FOXP2: variants seen among roughly 807,000 people sequenced by gnomAD.
The protein encoded by FOXP2 is forkhead box protein P2.
A neutral mutation model predicts 115.8 loss-of-function variants in FOXP2; 12 were observed. The ratio of observed to expected loss-of-function variants is 0.10; its 90% CI spans 0.07 to 0.17. The LOEUF (loss-of-function observed/expected upper bound fraction) is 0.17. Among genes scored for constraint, FOXP2 ranks in the 10% least tolerant of loss-of-function variants. The pLI, the probability that FOXP2 is intolerant of heterozygous loss-of-function variation, is 1.00. For synonymous variants in FOXP2, 328 were observed against 297.7 expected, an observed-to-expected ratio of 1.10 and a Z score of -1.05; for missense variants, 629 against 843.5, an observed-to-expected ratio of 0.75 and a Z score of 3.15.
chr7:114,571,831 T>C (rs1801319538), intron 3 of FOXP2, among the ~76,000 whole-genome samples: 1 of 151,804 alleles, frequency 6.6e-6, no homozygotes, highest in African/African-American at 2.4e-5. Context: ...TTGGTATCTA[T>C]GTGTGTCCAA....
Position 114,631,532 on chromosome 7 carries a change from A to G in FOXP2, c.602A>G (p.Gln201Arg). The G allele has an allele frequency of 6.4e-7, 1 of 1,568,566 alleles. No homozygotes were observed. The highest frequency in any genetic ancestry group is 8.6e-7 in the Non-Finnish European group (1 of 1,156,196). ...QHPGKQAKEQ[Q>R]QQQQQQQQLA... ...GTTTGGGTTTTCTGATACCAGCAGCAGCAGCAGCAGCAGCAGCAACAGCAA... is the reference window on the plus strand; with the variant it reads ...GTTTGGGTTTTCTGATACCAGCAGCGGCAGCAGCAGCAGCAGCAACAGCAA... The change falls in exon 6 of 17, where the codon CAG becomes CGG. Residue 201 changes from glutamine to arginine, a missense_variant. Around this residue, in one of 9 missense-constraint regions of FOXP2, gnomAD observed 138 missense variants for 205.1 expected, o/e 0.67. Coordinates refer to ENST00000350908, the MANE Select transcript of FOXP2 (RefSeq NM_014491.4).
intron 2 of FOXP2, among the ~76,000 whole-genome samples, chr7:114,521,808 T>G (rs1798640952): frequency 6.6e-6 from 1 of 152,158 alleles, no homozygotes; most frequent in African/African-American, 2.4e-5. Flanking sequence ...GATCACTAGT[T>G]GGTCCTCTAC....
intron 3 of FOXP2, among the ~76,000 whole-genome samples, chr7:114,606,425 T>A (rs1367203156): frequency 6.6e-6 from 1 of 152,218 alleles, no homozygotes; most frequent in Non-Finnish European, 1.5e-5. Context: ...CCTCAAAACC[T>A]ACAAAAACTC....
chr7:114,281,095 A>ATTTTTTT (rs71157578), intron 1 of FOXP2, among the ~76,000 whole-genome samples: 11 of 92,876 alleles, frequency 1.2e-4, no homozygotes, highest in Non-Finnish European at 2.2e-4. Flanking sequence ...TGCAATTTGA[A>ATTTTTTT]TTTTTTTTTT....
At chr7:114,378,548 G>A (rs77947118) in intron 2 of FOXP2, among the ~76,000 whole-genome samples, 8 of 151,532 alleles carry the variant, frequency 5.3e-5, no homozygotes, top group Admixed American at 2.0e-4. Context: ...ACTAGGCATG[G>A]TAGTACATTC....
intron 3 of FOXP2, among the ~76,000 whole-genome samples, chr7:114,585,107 C>CA (rs1249885265): frequency 6.6e-6 from 1 of 152,142 alleles, no homozygotes; most frequent in Non-Finnish European, 1.5e-5. Flanking sequence ...CATGTCTCAT[C>CA]AAATGGTAGT....
intron 2 of FOXP2, among the ~76,000 whole-genome samples, chr7:114,484,642 A>G (rs1796696162): frequency 1.3e-5 from 2 of 151,962 alleles, no homozygotes; most frequent in Admixed American, 1.3e-4. Flanking sequence ...TTAATATAGA[A>G]GGTCTTTTTC....
intron 1 of FOXP2, among the ~76,000 whole-genome samples, chr7:114,174,521 T>G (rs1371770524): frequency 6.6e-6 from 1 of 152,050 alleles, no homozygotes; most frequent in Non-Finnish European, 1.5e-5. Context: ...GAGAAATAGC[T>G]TTTTTCTTCT....
At chr7:114,359,764 T>C (rs1791702122) in intron 2 of FOXP2, among the ~76,000 whole-genome samples, 1 of 152,192 alleles carries the variant, frequency 6.6e-6, no homozygotes. Context: ...ATGGAATGTG[T>C]GTATTTACCC....
intron 3 of FOXP2, among the ~76,000 whole-genome samples, chr7:114,559,083 A>G (rs572969597): frequency 6.6e-6 from 1 of 152,326 alleles, no homozygotes; most frequent in South Asian, 2.1e-4. Flanking sequence ...CATGCATACA[A>G]GTAAACAAAA....
upstream of FOXP2, among the ~76,000 whole-genome samples, chr7:114,413,527 A>G (rs1793220052): frequency 2.0e-5 from 3 of 152,258 alleles, no homozygotes; most frequent in South Asian, 6.2e-4. Context: ...ATTTAACTAT[A>G]AAATGAAAAA....
intron 2 of FOXP2, among the ~76,000 whole-genome samples, chr7:114,527,097 T>G (rs1276847263): frequency 6.6e-6 from 1 of 151,890 alleles, no homozygotes; most frequent in Admixed American, 6.6e-5. Context: ...TTATTTAGCA[T>G]AATGTTTTCA....
At chr7:114,467,338 A>G (rs1436568809) in intron 2 of FOXP2, among the ~76,000 whole-genome samples, 7 of 152,196 alleles carry the variant, frequency 4.6e-5, no homozygotes, top group Non-Finnish European at 1.0e-4. Context: ...CACCATTTAC[A>G]TAAGTATATT....
At chr7:114,289,908 T>C (rs1254461789) in intron 2 of FOXP2, among the ~76,000 whole-genome samples, 1 of 151,970 alleles carries the variant, frequency 6.6e-6, no homozygotes, top group East Asian at 1.9e-4. Context: ...ACCCTTGAGC[T>C]GGAAGTATGA....
At chr7:114,120,956 A>C (rs980154416) in intron 1 of FOXP2, among the ~76,000 whole-genome samples, 4 of 152,062 alleles carry the variant, frequency 2.6e-5, no homozygotes, top group Admixed American at 6.6e-5. Context: ...GAGGGGGAAG[A>C]ATACAGGACA....
chr7:114,516,064 A>C (rs891284069), intron 2 of FOXP2, among the ~76,000 whole-genome samples: 1 of 152,140 alleles, frequency 6.6e-6, no homozygotes, highest in Admixed American at 6.5e-5. Context: ...AACTACTTTA[A>C]AGTTCATATG....
At chr7:114,532,641 A>G (rs558290660) in intron 2 of FOXP2, among the ~76,000 whole-genome samples, 1 of 152,032 alleles carries the variant, frequency 6.6e-6, no homozygotes, top group Admixed American at 6.6e-5. Flanking sequence ...AGTCCTTGTC[A>G]TTCATGATTC....
At chr7:114,471,669 G>A (rs1295342293) in intron 2 of FOXP2, among the ~76,000 whole-genome samples, 1 of 151,820 alleles carries the variant, frequency 6.6e-6, no homozygotes, top group African/African-American at 2.4e-5. Flanking sequence ...TTTTATTCCA[G>A]CCAGGTGCGG....
intron 1 of FOXP2, among the ~76,000 whole-genome samples, chr7:114,197,011 G>A (rs2129158671): frequency 6.6e-6 from 1 of 152,122 alleles, no homozygotes; most frequent in Middle Eastern, 3.4e-3. Flanking sequence ...TGGCAACATA[G>A]TTAGACCCCA....
Sources: allele counts gnomAD v4.1 joint callset (sites outside exome capture counted in the v4.1 genomes callset), GRCh38; gene constraint gnomAD v4.1.1; regional missense constraint gnomAD v4.1.1; transcripts MANE v1.5; gene names NCBI Gene and HGNC (gene_info 2026-07-23, HGNC 2026-07-21).